PDZD2: variants seen among roughly 807,000 people sequenced by gnomAD.
PDZD2 encodes the protein PDZ domain-containing protein 2.
A neutral mutation model predicts 220.7 loss-of-function variants in PDZD2; 90 were observed. The observed-to-expected ratio is 0.41, with a 90% CI of 0.34 to 0.49. The LOEUF (loss-of-function observed/expected upper bound fraction) is 0.49, where lower values mean the gene tolerates loss of function less well. Ranked by LOEUF, PDZD2 falls within the 20% of genes least tolerant of loss-of-function variation. The pLI, the probability that PDZD2 is intolerant of heterozygous loss-of-function variation, is 0.28. For missense variants in PDZD2, 3,174 were observed against 3,608.5 expected (o/e 0.88, Z 3.08); for synonymous variants, 1,375 against 1,450.5 (o/e 0.95, Z 1.18).
chr5:31,747,043 C>T (rs762345096), intron 1 of PDZD2, among the ~76,000 whole-genome samples: 4 of 152,044 alleles, frequency 2.6e-5, no homozygotes, highest in Admixed American at 6.5e-5. Flanking sequence ...GGTGTGGTGG[C>T]GGATGCCTGT....
intron 1 of PDZD2, among the ~76,000 whole-genome samples, chr5:31,783,807 T>C (rs116469223): frequency 6.6e-6 from 1 of 152,190 alleles, no homozygotes; most frequent in Non-Finnish European, 1.5e-5. Context: ...CTTGTGCCTA[T>C]GTTGTCTCTA....
At chr5:31,881,021 C>T (rs1474252288) in intron 2 of PDZD2, among the ~76,000 whole-genome samples, 1 of 151,656 alleles carries the variant, frequency 6.6e-6, no homozygotes, top group African/African-American at 2.4e-5. Context: ...AGCCTGGTCT[C>T]GAACTCCTGA....
intron 1 of PDZD2, among the ~76,000 whole-genome samples, chr5:31,645,157 C>T (rs1745087612): frequency 1.3e-5 from 2 of 152,096 alleles, no homozygotes; most frequent in Admixed American, 6.6e-5. Flanking sequence ...CAATCTCTTG[C>T]CTTCAGGGAG....
chr5:31,964,428 A>G (rs1748530436), intron 2 of PDZD2, among the ~76,000 whole-genome samples: 1 of 152,192 alleles, frequency 6.6e-6, no homozygotes, highest in Non-Finnish European at 1.5e-5. Context: ...TAATATTCAG[A>G]TGAATTTGGA....
chr5:31,669,784 C>G (rs755769336), intron 1 of PDZD2, among the ~76,000 whole-genome samples: 1 of 152,146 alleles, frequency 6.6e-6, no homozygotes, highest in Admixed American at 6.5e-5. Context: ...TGTTGAGTGT[C>G]TGTTACCATC....
At chr5:31,663,489 A>C (rs1364319099) in intron 1 of PDZD2, among the ~76,000 whole-genome samples, 2 of 152,160 alleles carry the variant, frequency 1.3e-5, no homozygotes, top group African/African-American at 2.4e-5. Flanking sequence ...AAGAAAAAAA[A>C]ATAAACAAGT....
intron 2 of PDZD2, among the ~76,000 whole-genome samples, chr5:31,834,043 G>A (rs1446934867): frequency 6.6e-6 from 1 of 152,240 alleles, no homozygotes; most frequent in Non-Finnish European, 1.5e-5. Flanking sequence ...AGAATTTGAT[G>A]CAATGGCTGG....
intron 2 of PDZD2, among the ~76,000 whole-genome samples, chr5:31,850,709 T>C (rs1758010484): frequency 6.7e-6 from 1 of 149,744 alleles, no homozygotes; most frequent in Non-Finnish European, 1.5e-5. Context: ...CCATCTCGTC[T>C]CACTGCAACC....
chr5:31,752,031 C>T (rs1751001956), intron 1 of PDZD2, among the ~76,000 whole-genome samples: 1 of 102,818 alleles, frequency 9.7e-6, no homozygotes, highest in Non-Finnish European at 2.2e-5. Context: ...TTCTCTCTCT[C>T]TCTTTGTATT....
Position 32,026,656 on chromosome 5 carries a change from A to G in PDZD2, c.1408-10575A>G, listed in dbSNP as rs115347970. ...TCCAATGCAATGAACCTGGTAGCCA[A>G]CACTGCTGAGAAATGACCCAAGGGT... On this transcript the variant is annotated intron_variant, in intron 6 of 24. Transcript: ENST00000438447. 9.7e-3 allele frequency among the ~76,000 whole-genome samples: 1,471 copies of G among 152,322 alleles called. 22 individuals are homozygous for G. The highest frequency in any genetic ancestry group is 0.033 in the African/African-American group (1,385 of 41,576).
At chr5:31,987,832 A>G (rs1052190305) in intron 3 of PDZD2, among the ~76,000 whole-genome samples, 79 of 151,962 alleles carry the variant, frequency 5.2e-4, no homozygotes, top group African/African-American at 1.9e-3. Context: ...ATCCTGGGAA[A>G]CCCTCCGTCC....
intron 2 of PDZD2, among the ~76,000 whole-genome samples, chr5:31,860,822 C>T (rs1483589496): frequency 6.6e-6 from 1 of 152,170 alleles, no homozygotes; most frequent in Non-Finnish European, 1.5e-5. Flanking sequence ...TATCAGGGTT[C>T]TGTCTGTGTG....
At chr5:31,648,667 T>C (rs1745225513) in intron 1 of PDZD2, among the ~76,000 whole-genome samples, 1 of 150,940 alleles carries the variant, frequency 6.6e-6, no homozygotes, top group Non-Finnish European at 1.5e-5. Context: ...TCTTTTATTT[T>C]TTTAAGACTT....
intron 2 of PDZD2, among the ~76,000 whole-genome samples, chr5:31,932,314 C>G (rs1194941908): frequency 6.6e-6 from 1 of 152,086 alleles, no homozygotes. Flanking sequence ...TTTAGGAGGC[C>G]GAGGCAGGCA....
chr5:31,780,859 G>T (rs561045490), intron 1 of PDZD2, among the ~76,000 whole-genome samples: 1 of 152,146 alleles, frequency 6.6e-6, no homozygotes, highest in African/African-American at 2.4e-5. Context: ...AGTTCCAGGC[G>T]TGTCACTGAG....
Position 32,060,879 on chromosome 5 carries a change from T to TACC in PDZD2, c.2319-122_2319-121insCCA, listed in dbSNP as rs1554035492. Reference sequence around the variant, plus strand: ...TTACATGTATGCCAACGGGAAAAGATATGAGCTTCTTTAAAGTATTCAGAA... The same window carrying TACC: ...TTACATGTATGCCAACGGGAAAAGATACCATGAGCTTCTTTAAAGTATTCAGAA... On this transcript the variant is annotated intron_variant, in intron 13 of 24. Transcript: ENST00000438447. 491 of 821,252 alleles carry TACC rather than the reference T, an allele frequency of 6.0e-4. 2 individuals carry two copies. The highest frequency in any genetic ancestry group is 9.9e-4 in the Admixed American group (37 of 37,498). 50.9% of individuals were successfully genotyped at this position (821,252 alleles called of 1,614,324 possible). A position where few individuals can be genotyped will look rare whatever the true frequency, so the allele number is the denominator to read the frequency against.
At chr5:31,765,204 C>T (rs1561441555) in intron 1 of PDZD2, among the ~76,000 whole-genome samples, 1 of 152,180 alleles carries the variant, frequency 6.6e-6, no homozygotes, top group Non-Finnish European at 1.5e-5. Context: ...TCATCCACTG[C>T]CACATCAGAG....
At chr5:32,019,611 G>A (rs73751765) in intron 6 of PDZD2, among the ~76,000 whole-genome samples, 3,448 of 152,250 alleles carry the variant, frequency 0.023, 125 homozygotes, top group African/African-American at 0.079. Context: ...TTATGTCTAC[G>A]TTAGGCGTGC....
intron 1 of PDZD2, among the ~76,000 whole-genome samples, chr5:31,689,354 T>TATATATATATATATA (rs1554063278): frequency 5.1e-4 from 14 of 27,198 alleles, no homozygotes; most frequent in African/African-American, 2.1e-3. Context: ...TATATATATA[T>TATATATATATATATA]TTTTTTTTTT....
Sources: allele counts gnomAD v4.1 joint callset (sites outside exome capture counted in the v4.1 genomes callset), GRCh38; gene constraint gnomAD v4.1.1; transcripts MANE v1.5; gene names NCBI Gene and HGNC (gene_info 2026-07-23, HGNC 2026-07-21).